Variants in PRIM2 observed in about 807,000 individuals in gnomAD.
The protein encoded by PRIM2 is DNA primase subunit 2, also known as DNA primase large subunit.
Under a neutral mutation model 67.3 loss-of-function variants are expected in PRIM2, and 39 were observed. The ratio of observed to expected loss-of-function variants is 0.58; its 90% CI spans 0.45 to 0.76. The LOEUF (loss-of-function observed/expected upper bound fraction) is 0.76. PRIM2 is among the 30% of genes least tolerant of loss of function. The pLI, the probability that PRIM2 is intolerant of heterozygous loss-of-function variation, is 0.00. For missense variants in PRIM2, 398 were observed against 598.7 expected, an observed-to-expected ratio of 0.66 and a Z score of 3.50; for synonymous variants, 143 against 198.7, an observed-to-expected ratio of 0.72 and a Z score of 2.36.
At chr6:57,463,694 G>C (rs1461480465) in intron 7 of PRIM2, among the ~76,000 whole-genome samples, 1 of 152,056 alleles carries the variant, frequency 6.6e-6, no homozygotes, top group Non-Finnish European at 1.5e-5. Context: ...TTACATTAGG[G>C]CACTGAAACA....
intron 12 of PRIM2, among the ~76,000 whole-genome samples, chr6:57,623,153 T>A (rs2127497392): frequency 6.6e-6 from 1 of 152,240 alleles, no homozygotes; most frequent in African/African-American, 2.4e-5. Context: ...CTTTTCTTAG[T>A]GTTGTAGTTG....
chr6:57,331,436 G>C (rs1768055935), intron 5 of PRIM2, among the ~76,000 whole-genome samples: 1 of 152,088 alleles, frequency 6.6e-6, no homozygotes, highest in African/African-American at 2.4e-5. Flanking sequence ...GAATGAGTTG[G>C]GAAATGTTTC....
chr6:57,237,333 A>G, the PRIM2 span, among the ~76,000 whole-genome samples: 1 of 152,176 alleles, frequency 6.6e-6, no homozygotes, highest in East Asian at 1.9e-4. Flanking sequence ...TCAGATGGGT[A>G]GATTGCAAAA....
rs563363580 is a variant in PRIM2, at chr6:57,348,077, C to G, written c.459+22032C>G. ...GACAGTTGTTGGCAGGAATGGAAAC[C>G]AAATATATTAAATATACCATTGGTA... On this transcript the variant is annotated intron_variant, in intron 5 of 13. Coordinates refer to ENST00000615550, the MANE Select transcript of PRIM2 (RefSeq NM_000947.5). Among the ~76,000 whole-genome samples, 569 of 151,740 alleles carry G rather than the reference C, an allele frequency of 3.7e-3. 7 individuals are homozygous for G. The highest frequency in any genetic ancestry group is 0.013 in the African/African-American group (545 of 41,374).
At chr6:57,234,881 T>C in the PRIM2 span, among the ~76,000 whole-genome samples, 1 of 152,178 alleles carries the variant, frequency 6.6e-6, no homozygotes, top group Non-Finnish European at 1.5e-5. Context: ...CAAATCGGTA[T>C]TGATTCGAAG....
intron 7 of PRIM2, among the ~76,000 whole-genome samples, chr6:57,429,321 C>T (rs544574022): frequency 6.6e-6 from 1 of 152,276 alleles, no homozygotes; most frequent in Non-Finnish European, 1.5e-5. Flanking sequence ...GGGACTCTTG[C>T]TAGACCAACT....
At chr6:57,541,869 AATC>A (rs1775162750) in intron 10 of PRIM2, among the ~76,000 whole-genome samples, 1 of 152,056 alleles carries the variant, frequency 6.6e-6, no homozygotes, top group African/African-American at 2.4e-5. Context: ...TTCAAATGTT[AATC>A]ATATCCAGAA....
chr6:57,245,739 A>C, the PRIM2 span, among the ~76,000 whole-genome samples: 1 of 152,230 alleles, frequency 6.6e-6, no homozygotes, highest in Non-Finnish European at 1.5e-5. Context: ...CATAATTATC[A>C]GATCAGGAGT....
intron 7 of PRIM2, among the ~76,000 whole-genome samples, chr6:57,474,205 A>AGTCGGAGTCTC (rs1299897440): frequency 3.3e-5 from 1 of 29,944 alleles, no homozygotes; most frequent in East Asian, 1.3e-3. Context: ...TTTTTTTTTG[A>AGTCGGAGTCTC]GCTCTGTCAC....
chr6:57,487,998 G>T (rs1474426243), intron 7 of PRIM2, among the ~76,000 whole-genome samples: 2 of 152,012 alleles, frequency 1.3e-5, no homozygotes, highest in African/African-American at 4.8e-5. Context: ...TGTAAAATTG[G>T]GACTAGTACC....
chr6:57,431,089 G>GACAC (rs1241396224), intron 7 of PRIM2, among the ~76,000 whole-genome samples: 21 of 152,112 alleles, frequency 1.4e-4, no homozygotes, highest in Non-Finnish European at 2.9e-4. Context: ...TACACACACA[G>GACAC]ACACACACAC....
the PRIM2 span, among the ~76,000 whole-genome samples, chr6:57,262,370 C>T: frequency 3.3e-5 from 5 of 152,092 alleles, no homozygotes; most frequent in African/African-American, 7.2e-5. Context: ...CCTTCCTACT[C>T]GACTGAAAGA....
chr6:57,616,192 G>C lies in PRIM2; in HGVS notation c.1230+9735G>C, dbSNP rs1333852094. 3.3e-4 allele frequency among the ~76,000 whole-genome samples: 50 copies of C among 152,314 alleles called. No homozygotes were observed. In the South Asian group the frequency reaches 6.8e-3, roughly 21 times the overall value. On this transcript the variant is annotated intron_variant, in intron 12 of 13. Coordinates refer to ENST00000615550, the MANE Select transcript of PRIM2 (RefSeq NM_000947.5). Reference sequence around the variant, plus strand: ...GAACAATTTGAAGCCATGGTGGTTTGTTTTATTTTTGGCCTGCTTATGCAA... The same window carrying C: ...GAACAATTTGAAGCCATGGTGGTTTCTTTTATTTTTGGCCTGCTTATGCAA...
chr6:57,585,204 A>C (rs1776167459), intron 10 of PRIM2, among the ~76,000 whole-genome samples: 1 of 152,224 alleles, frequency 6.6e-6, no homozygotes, highest in Admixed American at 6.5e-5. Context: ...AGTGATATTA[A>C]ACAACACACC....
intron 10 of PRIM2, among the ~76,000 whole-genome samples, chr6:57,559,748 CAT>C (rs1174308675): frequency 6.6e-6 from 1 of 152,190 alleles, no homozygotes; most frequent in African/African-American, 2.4e-5. Flanking sequence ...ATATAAAACT[CAT>C]ATGTATACTA....
intron 6 of PRIM2, among the ~76,000 whole-genome samples, chr6:57,381,032 C>T (rs1237488568): frequency 6.6e-6 from 1 of 151,590 alleles, no homozygotes; most frequent in Non-Finnish European, 1.5e-5. Context: ...ATGTTTCTTC[C>T]CTATATTATT....
intron 12 of PRIM2, among the ~76,000 whole-genome samples, chr6:57,627,440 G>C (rs1225150978): frequency 6.6e-6 from 1 of 151,368 alleles, no homozygotes; most frequent in Non-Finnish European, 1.5e-5. Context: ...CCAGGCTGGA[G>C]TGTAGGGTTG....
At chr6:57,409,795 G>T (rs1318087785) in intron 7 of PRIM2, among the ~76,000 whole-genome samples, 26 of 151,198 alleles carry the variant, frequency 1.7e-4, no homozygotes, top group Non-Finnish European at 3.8e-4. Flanking sequence ...GAGCAACAAA[G>T]TTTTACAATT....
intron 5 of PRIM2, among the ~76,000 whole-genome samples, chr6:57,347,314 G>C (rs562266551): frequency 6.6e-6 from 1 of 152,088 alleles, no homozygotes; most frequent in African/African-American, 2.4e-5. Flanking sequence ...TATAAGTAGT[G>C]GACTTATTAA....
Sources: gnomAD v4.1 joint callset for allele counts (sites outside exome capture counted in the v4.1 genomes callset) on GRCh38, gnomAD v4.1.1 for gene constraint, MANE v1.5 for transcripts, NCBI Gene and HGNC (gene_info 2026-07-23, HGNC 2026-07-21) for gene names.